LINGO2: variants seen among roughly 807,000 people sequenced by gnomAD.
LINGO2 encodes leucine-rich repeat and immunoglobulin-like domain-containing nogo receptor-interacting protein 2.
In LINGO2, 14 loss-of-function variants were observed where a neutral mutation model predicts 30.6. The observed-to-expected ratio is 0.46, with a 90% CI of 0.30 to 0.72. The LOEUF (loss-of-function observed/expected upper bound fraction) is 0.72. Ranked by LOEUF, LINGO2 falls within the 30% of genes least tolerant of loss-of-function variation. The pLI, the probability that LINGO2 is intolerant of heterozygous loss-of-function variation, is 0.07. For missense variants in LINGO2, 729 were observed against 751.7 expected, an observed-to-expected ratio of 0.97 and a Z score of 0.35; for synonymous variants, 317 against 288.5, an observed-to-expected ratio of 1.10 and a Z score of -1.00.
intron 3 of LINGO2, among the ~76,000 whole-genome samples, chr9:28,365,273 T>C (rs1052961745): frequency 1.3e-5 from 2 of 152,086 alleles, no homozygotes; most frequent in South Asian, 2.1e-4. Context: ...GGGAGCTTTC[T>C]AGAGGAAGAT....
At chr9:28,466,426 T>A (rs1463915630) in intron 2 of LINGO2, among the ~76,000 whole-genome samples, 1 of 152,066 alleles carries the variant, frequency 6.6e-6, no homozygotes, top group Non-Finnish European at 1.5e-5. Flanking sequence ...AAATAGTTCA[T>A]GAGACAGAGA....
rs115644092 is a variant in LINGO2 at position 28,251,968 on chromosome 9, T to C, written c.-87+43240A>G. 5.1e-3 allele frequency among the ~76,000 whole-genome samples: 771 copies of C among 152,256 alleles called. 5 individuals carry two copies. The highest frequency in any genetic ancestry group is 0.018 in the African/African-American group (732 of 41,576). ...TTAGGAGATCTTGATTCTTACATGT[T>C]CTACCACTAAATAGCTATGTGACGT... On this transcript the variant is annotated intron_variant, in intron 4 of 5. Transcript: ENST00000379992.
chr9:28,435,925 A>G (rs1823902896), intron 2 of LINGO2, among the ~76,000 whole-genome samples: 1 of 152,144 alleles, frequency 6.6e-6, no homozygotes, highest in African/African-American at 2.4e-5. Context: ...AACAGTAAAT[A>G]CTCACTGATT....
chr9:28,583,705 T>C (rs1044489611), intron 1 of LINGO2, among the ~76,000 whole-genome samples: 4 of 152,058 alleles, frequency 2.6e-5, no homozygotes, highest in Admixed American at 6.6e-5. Flanking sequence ...AAGCAAAATA[T>C]GAATGATTCT....
intron 2 of LINGO2, among the ~76,000 whole-genome samples, chr9:28,381,683 A>G (rs1571846): frequency 0.21 from 32,309 of 151,990 alleles, 3,724 homozygotes; most frequent in Middle Eastern, 0.33. Flanking sequence ...GGAAATATTC[A>G]CCCTCTGCCC....
the LINGO2 span, among the ~76,000 whole-genome samples, chr9:28,684,088 C>T: frequency 1.4e-5 from 2 of 147,536 alleles, no homozygotes; most frequent in South Asian, 4.3e-4. Flanking sequence ...TTTTTAAACA[C>T]ATTTTGTACC....
intron 4 of LINGO2, among the ~76,000 whole-genome samples, chr9:28,051,915 C>T (rs984427265): frequency 6.6e-6 from 1 of 152,040 alleles, no homozygotes; most frequent in Non-Finnish European, 1.5e-5. Context: ...TTTCTTATAC[C>T]TAACAATAAA....
the LINGO2 span, among the ~76,000 whole-genome samples, chr9:28,733,997 T>C: frequency 6.6e-6 from 1 of 152,162 alleles, no homozygotes; most frequent in Non-Finnish European, 1.5e-5. Context: ...ATGACAGATA[T>C]GGTCCAAGAT....
At chr9:28,031,993 C>G (rs1823698807) in intron 4 of LINGO2, among the ~76,000 whole-genome samples, 1 of 147,800 alleles carries the variant, frequency 6.8e-6, no homozygotes, top group South Asian at 2.1e-4. Flanking sequence ...GCTCAGAGAA[C>G]AGCTGGGTAC....
intron 3 of LINGO2, among the ~76,000 whole-genome samples, chr9:28,304,884 G>A (rs902352841): frequency 6.6e-6 from 1 of 151,964 alleles, no homozygotes; most frequent in African/African-American, 2.4e-5. Context: ...TGTAGCTGAG[G>A]TTATAATGCC....
intron 4 of LINGO2, among the ~76,000 whole-genome samples, chr9:28,124,137 A>C (rs1279323254): frequency 6.6e-6 from 1 of 152,188 alleles, no homozygotes; most frequent in Non-Finnish European, 1.5e-5. Flanking sequence ...CAATTGGTCT[A>C]TTCATTGAAG....
intron 4 of LINGO2, among the ~76,000 whole-genome samples, chr9:28,049,696 A>C (rs1005496603): frequency 3.3e-5 from 5 of 150,724 alleles, no homozygotes; most frequent in Admixed American, 2.0e-4. Flanking sequence ...TAAAGGAGGC[A>C]TTATAATGCC....
the LINGO2 span, among the ~76,000 whole-genome samples, chr9:29,058,396 T>C: frequency 6.6e-6 from 1 of 151,792 alleles, no homozygotes; most frequent in Non-Finnish European, 1.5e-5. Flanking sequence ...GATATCCAAA[T>C]TGAATCACAA....
At chr9:28,661,777 CAAG>C (rs988690855) in intron 1 of LINGO2, among the ~76,000 whole-genome samples, 17 of 152,162 alleles carry the variant, frequency 1.1e-4, no homozygotes, top group African/African-American at 4.1e-4. Context: ...CAGAAAAACT[CAAG>C]AGACACGCAC....
chr9:28,999,927 C>A, the LINGO2 span, among the ~76,000 whole-genome samples: 1 of 152,046 alleles, frequency 6.6e-6, no homozygotes, highest in African/African-American at 2.4e-5. Context: ...TGGCTCTTTC[C>A]ACTCAGGCAT....
intron 4 of LINGO2, among the ~76,000 whole-genome samples, chr9:28,141,424 T>A (rs1316181577): frequency 1.3e-5 from 2 of 152,230 alleles, no homozygotes; most frequent in Non-Finnish European, 2.9e-5. Flanking sequence ...TGTTCAGCAA[T>A]GCTTGGGAAG....
chr9:28,155,375 G>A (rs999230966), intron 4 of LINGO2, among the ~76,000 whole-genome samples: 16 of 152,178 alleles, frequency 1.1e-4, no homozygotes, highest in African/African-American at 3.1e-4. Context: ...TTTAAGGTCT[G>A]TTGGCTTTTT....
intron 1 of LINGO2, among the ~76,000 whole-genome samples, chr9:28,521,757 C>T (rs1051074944): frequency 1.3e-5 from 2 of 152,044 alleles, no homozygotes; most frequent in African/African-American, 4.8e-5. Context: ...CAGATATAAT[C>T]AAGTTCAGAT....
chr9:28,409,736 C>T (rs918034430), intron 2 of LINGO2, among the ~76,000 whole-genome samples: 2 of 151,758 alleles, frequency 1.3e-5, no homozygotes, highest in African/African-American at 2.4e-5. Context: ...GGTGCAGTTA[C>T]TCTTCTCCTG....
Sources: allele counts gnomAD v4.1 joint callset (sites outside exome capture counted in the v4.1 genomes callset), GRCh38; gene constraint gnomAD v4.1.1; transcripts MANE v1.5; gene names NCBI Gene and HGNC (gene_info 2026-07-23, HGNC 2026-07-21).